PAFAH2: variants seen among roughly 807,000 people sequenced by gnomAD.
The protein encoded by PAFAH2 is platelet-activating factor acetylhydrolase 2, cytoplasmic.
In PAFAH2, 42 loss-of-function variants were observed where a neutral mutation model predicts 49.0. That is an observed-to-expected ratio of 0.86 (90% CI 0.67 to 1.11). The LOEUF is 1.11. Among genes scored for constraint, PAFAH2 ranks in the 50% least tolerant of loss-of-function variants. The pLI, the probability that PAFAH2 is intolerant of heterozygous loss-of-function variation, is 0.00. For synonymous variants in PAFAH2, 184 were observed against 181.3 expected, an observed-to-expected ratio of 1.01 and a Z score of -0.12; for missense variants, 503 against 501.8, an observed-to-expected ratio of 1.00 and a Z score of -0.02.
At chr1:25,979,590 C>T (rs2039542) in intron 7 of PAFAH2, among the ~76,000 whole-genome samples, 2 of 151,870 alleles carry the variant, frequency 1.3e-5, no homozygotes, top group Admixed American at 6.6e-5. Context: ...CGGGTACAAG[C>T]GATTCTCCTG....
chr1:25,989,419 A>G (rs368752723), intron 3 of PAFAH2, 29 bp downstream of exon 3: 9 of 1,530,902 alleles, frequency 5.9e-6, no homozygotes, highest in East Asian at 2.4e-5. Context: ...GCAACTGGGA[A>G]AGCATGCAGA....
Position 25,972,717 on chromosome 1 carries a change from G to C in PAFAH2, c.930-5C>G. The C allele has an allele frequency of 6.2e-7, 1 of 1,613,854 alleles. No homozygotes were observed. Among genetic ancestry groups the C allele is most frequent in the East Asian group, 2.2e-5 (1 of 44,888 alleles). On this transcript the variant is annotated splice_polypyrimidine_tract_variant and splice_region_variant and intron_variant, in intron 9 of 10. Coordinates refer to ENST00000374282, the MANE Select transcript of PAFAH2 (RefSeq NM_000437.4). ...TGACTCCGATGAACAGAACCACTAG[G>C]GGAAAAGAAAAACAACTGGCAGGGG...
At chr1:25,991,317 T>C (rs2049872201) in intron 1 of PAFAH2, among the ~76,000 whole-genome samples, 1 of 151,968 alleles carries the variant, frequency 6.6e-6, no homozygotes, top group African/African-American at 2.4e-5. Flanking sequence ...AGTCTCGCTC[T>C]GTTGCTAGGC....
chr1:25,977,382 G>A (rs897135422), intron 7 of PAFAH2, among the ~76,000 whole-genome samples: 1 of 150,662 alleles, frequency 6.6e-6, no homozygotes, highest in African/African-American at 2.4e-5. Context: ...CGGGTGTGGT[G>A]GCTCACACCT....
At chr1:25,980,886 G>A (rs972849347) in intron 7 of PAFAH2, among the ~76,000 whole-genome samples, 6 of 151,860 alleles carry the variant, frequency 4.0e-5, no homozygotes, top group South Asian at 2.1e-4. Context: ...GCATGGTGGC[G>A]CACACCTGGA....
rs750805909 is a variant in PAFAH2, at chr1:25,988,296, G to A, written c.276C>T (p.Gly92=). ...GSCRLPVSWN[G]PFKTKDSGYP... ...ATCCAGAGTCCTTTGTCTTAAAGGG[G>A]CCATTCCAGCTAACAGGCAGGCGAC... Residue 92 remains glycine, a synonymous_variant, in exon 4 of 11, where the codon GGC becomes GGT. Coordinates refer to ENST00000374282, the MANE Select transcript of PAFAH2 (RefSeq NM_000437.4). 7 of 1,611,110 alleles carry A rather than the reference G, an allele frequency of 4.3e-6. No individual in the cohort carries two copies. The South Asian group carries it at 4.4e-5, about 10-fold the overall frequency.
chr1:25,985,062 T>C (rs1257647869), intron 4 of PAFAH2, among the ~76,000 whole-genome samples: 1 of 152,082 alleles, frequency 6.6e-6, no homozygotes, highest in Admixed American at 6.6e-5. Flanking sequence ...TTTTACCATG[T>C]TGGTCAGGCT....
At chr1:25,992,885 G>A (rs565255259) in intron 1 of PAFAH2, among the ~76,000 whole-genome samples, 4 of 152,318 alleles carry the variant, frequency 2.6e-5, no homozygotes, top group East Asian at 3.9e-4. Context: ...TCCAATAGGC[G>A]TAAAACCCGG....
intron 10 of PAFAH2, among the ~76,000 whole-genome samples, chr1:25,965,354 C>T (rs1488098376): frequency 1.3e-5 from 2 of 152,064 alleles, no homozygotes; most frequent in African/African-American, 4.8e-5. Context: ...GCAAAGAATT[C>T]GTCCTTAAAA....
At chr1:25,971,329 A>C (rs890351348) in intron 10 of PAFAH2, among the ~76,000 whole-genome samples, 1 of 152,174 alleles carries the variant, frequency 6.6e-6, no homozygotes, top group African/African-American at 2.4e-5. Flanking sequence ...AGGAGCTGAT[A>C]CAATCAAATT....
At chr1:25,994,828 G>C (rs1438436601) in intron 1 of PAFAH2, among the ~76,000 whole-genome samples, 1 of 152,140 alleles carries the variant, frequency 6.6e-6, no homozygotes, top group Non-Finnish European at 1.5e-5. Flanking sequence ...GAACTCTCTG[G>C]TGCTCCTGGA....
chr1:25,966,040 C>T (rs776505243), intron 10 of PAFAH2, among the ~76,000 whole-genome samples: 20 of 151,620 alleles, frequency 1.3e-4, no homozygotes, highest in African/African-American at 2.9e-4. Context: ...CATCACTAAC[C>T]GTCAGAGAAA....
At chr1:25,996,998 C>G (rs983708579) in intron 1 of PAFAH2, among the ~76,000 whole-genome samples, 1 of 152,230 alleles carries the variant, frequency 6.6e-6, no homozygotes, top group Non-Finnish European at 1.5e-5. Context: ...GTCTACTGAA[C>G]AGGCCCAGAG....
chr1:25,972,659 A>G lies in PAFAH2; in HGVS notation c.983T>C (p.Ile328Thr), dbSNP rs752933918. The G allele has an allele frequency of 4.3e-6, 7 of 1,613,840 alleles. No individual in the cohort carries two copies. Among genetic ancestry groups the G allele is most frequent in the Non-Finnish European group, 5.1e-6 (6 of 1,179,886 alleles). The change falls in exon 10 of 11, where the codon ATT (isoleucine) becomes ACT (threonine). Residue 328 changes from isoleucine to threonine, a missense_variant. Physicochemically the swap from Ile to Thr is moderately conservative, Grantham distance 89. Transcript: ENST00000374282. The part of the protein sequence containing the change: ...TDFAFVTGNL[I>T]GKFFSTETRG... ...GGTTTCAGTGGAGAAGAATTTACCA[A>G]TCAAGTTGCCAGTCACAAAAGCAAA... is the stretch of plus-strand genomic sequence containing the variant.
chr1:25,989,672 C>G (rs2049845816), intron 2 of PAFAH2, 71 bp from the exon 3 acceptor site: 1 of 1,286,562 alleles, frequency 7.8e-7, no homozygotes, highest in Non-Finnish European at 1.0e-6. Context: ...CCACACTCAG[C>G]AGGTGTTTGG....
At chr1:25,977,059 G>C (rs11247837) in intron 7 of PAFAH2, among the ~76,000 whole-genome samples, 71,079 of 129,084 alleles carry the variant, frequency 0.55, 21,777 homozygotes, top group South Asian at 0.7. Flanking sequence ...GTCTCGCTCT[G>C]TCGCCCAGGC....
intron 8 of PAFAH2, 87 bp from the exon 9 acceptor site, chr1:25,974,737 C>T (rs1484372111): frequency 6.1e-6 from 8 of 1,316,308 alleles, no homozygotes; most frequent in Non-Finnish European, 7.3e-6. Flanking sequence ...GAGTTCCTCC[C>T]TCTGGTGGGG....
intron 10 of PAFAH2, among the ~76,000 whole-genome samples, chr1:25,971,196 G>T (rs2049504142): frequency 6.6e-6 from 1 of 152,112 alleles, no homozygotes; most frequent in African/African-American, 2.4e-5. Flanking sequence ...AGACAAGCCT[G>T]GCTCCTTTCT....
intron 10 of PAFAH2, chr1:25,964,112 G>A (rs1356219834): frequency 1.3e-5 from 2 of 152,228 alleles, no homozygotes; most frequent in Non-Finnish European, 2.9e-5. Context: ...GGAGCCACTG[G>A]AGAATTCGGA....
Sources: allele counts gnomAD v4.1 joint callset (sites outside exome capture counted in the v4.1 genomes callset), GRCh38; gene constraint gnomAD v4.1.1; transcripts MANE v1.5; gene names NCBI Gene and HGNC (gene_info 2026-07-23, HGNC 2026-07-21).